Variants in SNED1 observed in about 807,000 individuals in gnomAD.
SNED1 encodes sushi, nidogen and EGF like domains 1.
Under a neutral mutation model 166.7 loss-of-function variants are expected in SNED1, and 81 were observed. That is an observed-to-expected ratio of 0.49 (90% CI 0.41 to 0.58). SNED1 has a LOEUF of 0.58. SNED1 is among the 20% of genes least tolerant of loss of function. SNED1 has a pLI of 0.00. For missense variants in SNED1, 1,604 were observed against 2,000.2 expected (o/e 0.80, Z 3.78); for synonymous variants, 762 against 822.0 (o/e 0.93, Z 1.25).
chr2:241,069,858 G>A lies in SNED1; in HGVS notation c.3308-62G>A, dbSNP rs13000549. 18 of 1,562,150 alleles carry A rather than the reference G, an allele frequency of 1.2e-5. No homozygotes were observed. Among genetic ancestry groups the A allele is most frequent in the African/African-American group, 5.4e-5 (4 of 73,794 alleles). Reference sequence around the variant, plus strand: ...GCAGCCCATGTCCGGTTCTCAAACCGTGTTCTTGCCAGAAGACCCTGTGGG... The same window carrying A: ...GCAGCCCATGTCCGGTTCTCAAACCATGTTCTTGCCAGAAGACCCTGTGGG... On this transcript the variant is annotated intron_variant, in intron 23 of 31. Coordinates refer to ENST00000310397, the MANE Select transcript of SNED1 (RefSeq NM_001080437.3). This position sits in a 1 kb window ranked among gnomAD's most constrained non-coding sequence, Gnocchi z 4.9.
At chr2:241,059,137 G>A (rs1275480514) in intron 16 of SNED1, among the ~76,000 whole-genome samples, 1 of 152,168 alleles carries the variant, frequency 6.6e-6, no homozygotes, top group Admixed American at 6.5e-5. Context: ...TTAGGCCAAT[G>A]TATCTGACAA....
intron 1 of SNED1, among the ~76,000 whole-genome samples, chr2:241,006,518 C>T (rs1407091220): frequency 2.6e-5 from 4 of 152,144 alleles, no homozygotes; most frequent in Admixed American, 1.3e-4. Context: ...GAATGGTATG[C>T]GCTTCTCTTG....
intron 1 of SNED1, among the ~76,000 whole-genome samples, chr2:241,003,693 G>T (rs1002201613): frequency 6.6e-6 from 1 of 152,224 alleles, no homozygotes; most frequent in Non-Finnish European, 1.5e-5. Flanking sequence ...CTGCATGCTG[G>T]GCCCCATAAG....
In SNED1 at chr2:241,065,538, C is replaced by T. The variant is rs1435523750; in HGVS notation, c.2953C>T (p.Arg985Ter). Residue 985 changes from arginine (R) to a stop codon, truncating the protein, a stop_gained, in exon 21 of 32, where the codon CGA becomes TGA. Transcript: ENST00000310397. LOFTEE classifies it high-confidence loss of function. ...AYNISVFSVK[R>*]NSNNKNDISR... ...CAACATCTCCGTCTTCTCAGTGAAGCGAAACAGTAACAACAAGAATGACAT... is the reference window on the plus strand; with the variant it reads ...CAACATCTCCGTCTTCTCAGTGAAGTGAAACAGTAACAACAAGAATGACAT... 4 of 1,612,768 alleles carry T rather than the reference C, an allele frequency of 2.5e-6. No individual in the cohort carries two copies. The highest frequency in any genetic ancestry group is 3.3e-5 in the Admixed American group (2 of 60,004).
chr2:241,020,030 A>G (rs1371742490), intron 1 of SNED1, among the ~76,000 whole-genome samples: 1 of 152,242 alleles, frequency 6.6e-6, no homozygotes, highest in Non-Finnish European at 1.5e-5. Context: ...GGATGGCCAC[A>G]TCTGACCCAA....
intron 1 of SNED1, among the ~76,000 whole-genome samples, chr2:241,020,778 A>G (rs10203203): frequency 0.014 from 2,166 of 152,238 alleles, 50 homozygotes; most frequent in African/African-American, 0.05. Flanking sequence ...GGACTGGGAA[A>G]TGGCCTCTCG....
chr2:241,021,526 A>G (rs1012292825), intron 1 of SNED1, among the ~76,000 whole-genome samples: 1 of 152,194 alleles, frequency 6.6e-6, no homozygotes, highest in Admixed American at 6.5e-5. Context: ...GACATTTCAT[A>G]CAAATAGAGT....
At chr2:241,005,947 T>TTC (rs2060210362) in intron 1 of SNED1, among the ~76,000 whole-genome samples, 1 of 152,078 alleles carries the variant, frequency 6.6e-6, no homozygotes, top group African/African-American at 2.4e-5. Context: ...CCATGAAATT[T>TTC]GAAAAAAATC....
intron 1 of SNED1, among the ~76,000 whole-genome samples, chr2:241,014,113 A>G (rs574503588): frequency 6.6e-6 from 1 of 151,614 alleles, no homozygotes; most frequent in South Asian, 2.1e-4. Flanking sequence ...GGTTCAAGTG[A>G]TTCTTGTGCC....
rs1008386547 is a variant in SNED1, at chr2:241,061,854, CA to C, written c.2258-924del. The stretch of plus-strand genomic sequence containing the variant: ...GGCAACGAGCGAAACTCCATCCCCC[CA>C]AAAAAAAAAAAAGAAAAAAAGAAAA... On this transcript the variant is annotated intron_variant, in intron 16 of 31. Coordinates refer to ENST00000310397, the MANE Select transcript of SNED1 (RefSeq NM_001080437.3). 6.6e-3 allele frequency among the ~76,000 whole-genome samples: 776 copies of C among 118,020 alleles called. 4 individuals are homozygous for C. The highest frequency in any genetic ancestry group is 8.4e-3 in the Non-Finnish European group (455 of 53,928). 77.4% of individuals were successfully genotyped at this position (118,020 alleles called of 152,430 possible).
At chr2:241,070,887 C>T (rs1416496467) in intron 24 of SNED1, among the ~76,000 whole-genome samples, 1 of 152,192 alleles carries the variant, frequency 6.6e-6, no homozygotes, top group Non-Finnish European at 1.5e-5. Context: ...GTGCGCGGCT[C>T]CCCAGGGAAG....
At chr2:241,089,752 G>C (rs2063789807) in intron 31 of SNED1, among the ~76,000 whole-genome samples, 1 of 152,252 alleles carries the variant, frequency 6.6e-6, no homozygotes, top group African/African-American at 2.4e-5. Context: ...GAAATGCTTT[G>C]TGAGGCAATT....
chr2:241,072,441 G>A (rs1482746565), intron 26 of SNED1: 16 of 357,932 alleles, frequency 4.5e-5, no homozygotes, highest in South Asian at 2.5e-4. Flanking sequence ...CAGGAGTGAG[G>A]CAGGCGCGAC....
At position 241,040,110 on chromosome 2, in the gene SNED1, G is replaced by T; in HGVS notation, c.1081G>T (p.Gly361Cys). 6.3e-7 allele frequency: 1 copy of T among 1,599,046 alleles called. No individual in the cohort carries two copies. Among genetic ancestry groups the T allele is most frequent in the East Asian group, 2.3e-5 (1 of 44,190 alleles). Residue 361 changes from glycine (G) to cysteine (C), a missense_variant, in exon 7 of 32, where the codon GGT (glycine) becomes TGT (cysteine). Physicochemically the swap from Gly to Cys is radical, Grantham distance 159. Coordinates refer to ENST00000310397, the MANE Select transcript of SNED1 (RefSeq NM_001080437.3). ...CTGTGACACCAAAGAGTGTCAACAT[G>T]GTGGCCAGTGCCAGGTGGAGAATGG... ...SPCDTKECQH[G>C]GQCQVENGSA...
intron 18 of SNED1, 62 bp downstream of exon 18, chr2:241,063,762 A>C: frequency 8.2e-7 from 1 of 1,220,204 alleles, no homozygotes; most frequent in Non-Finnish European, 1.2e-6. Context: ...ATCAGAGAGG[A>C]GGTGGGGCAT....
At chr2:241,089,608 C>T (rs2063779101) in intron 31 of SNED1, among the ~76,000 whole-genome samples, 1 of 152,228 alleles carries the variant, frequency 6.6e-6, no homozygotes, top group Admixed American at 6.5e-5. Context: ...CGGCAGCATT[C>T]ACTTCCTGTT....
intron 1 of SNED1, among the ~76,000 whole-genome samples, chr2:241,028,429 GTTTAGGTTTTGGCTCTATA>G (rs2061052586): frequency 6.6e-6 from 1 of 152,112 alleles, no homozygotes; most frequent in Admixed American, 6.5e-5. Context: ...TAGCTCTTAT[GTTTAGGTTTTGGCTCTATA>G]TTGAGTTAAT....
chr2:240,999,023 C>G lies in SNED1; in HGVS notation c.186C>G (p.Phe62Leu). 7.5e-7 allele frequency: 1 copy of G among 1,325,130 alleles called. No homozygotes were observed. The highest frequency in any genetic ancestry group is 9.7e-7 in the Non-Finnish European group (1 of 1,033,540). The allele number at this position is 1,325,130 out of a possible 1,614,324, so 82.1% of individuals were successfully genotyped here. A position where few individuals can be genotyped will look rare whatever the true frequency, so the allele number is the denominator to read the frequency against. ...GGCCGCTCTCGGTGCCCTTCCCGTTCTTCGGTGCCGAGCACTCCGGACTCT... is the reference window on the plus strand; with the variant it reads ...GGCCGCTCTCGGTGCCCTTCCCGTTGTTCGGTGCCGAGCACTCCGGACTCT... ...GLRPLSVPFP[F>L]FGAEHSGLYV... The change falls in exon 1 of 32, where the codon TTC (phenylalanine) becomes TTG (leucine). Residue 62 changes from phenylalanine to leucine, a missense_variant. By Grantham distance (22) the Phe-to-Leu change is conservative. This residue lies in a region of SNED1 where 1,237 missense variants were observed against 1,620.8 expected (regional missense o/e 0.76). Coordinates refer to ENST00000310397, the MANE Select transcript of SNED1 (RefSeq NM_001080437.3). The surrounding 1 kb of genome is among the most constrained non-coding windows in gnomAD (Gnocchi z 5.8).
chr2:241,047,030 C>A (rs2061667601), intron 8 of SNED1, among the ~76,000 whole-genome samples: 1 of 151,466 alleles, frequency 6.6e-6, no homozygotes, highest in Admixed American at 6.6e-5. Context: ...ATAATCCCAG[C>A]TACTCGGGAA....
Sources: gnomAD v4.1 joint callset for allele counts (sites outside exome capture counted in the v4.1 genomes callset) on GRCh38, gnomAD v4.1.1 for gene constraint, gnomAD v4.1.1 regional missense constraint, Gnocchi (gnomAD v3.1) non-coding constraint, MANE v1.5 for transcripts, NCBI Gene and HGNC (gene_info 2026-07-23, HGNC 2026-07-21) for gene names.